The following PTPRK variants were observed in gnomAD, a reference collection of about 807,000 sequenced individuals.
The protein encoded by PTPRK is protein tyrosine phosphatase receptor type K, also known as receptor-type tyrosine-protein phosphatase kappa.
A neutral mutation model predicts 178.0 loss-of-function variants in PTPRK; 75 were observed. The observed-to-expected ratio is 0.42, with a 90% CI of 0.35 to 0.51. PTPRK has a LOEUF of 0.51. Ranked by LOEUF, PTPRK falls within the 20% of genes least tolerant of loss-of-function variation. The pLI is 0.02. For missense variants in PTPRK, 1,441 were observed against 1,797.8 expected, an observed-to-expected ratio of 0.80 and a Z score of 3.59; for synonymous variants, 637 against 620.6, an observed-to-expected ratio of 1.03 and a Z score of -0.39.
intron 3 of PTPRK, among the ~76,000 whole-genome samples, chr6:128,281,786 G>C (rs1259015808): frequency 6.6e-6 from 1 of 152,078 alleles, no homozygotes; most frequent in African/African-American, 2.4e-5. Flanking sequence ...ATAGAAGGCA[G>C]AGAGGTGCAA....
At chr6:128,130,365 C>T (rs1469695078) in intron 7 of PTPRK, among the ~76,000 whole-genome samples, 2 of 152,082 alleles carry the variant, frequency 1.3e-5, no homozygotes, top group African/African-American at 2.4e-5. Flanking sequence ...CTTTGTTGCC[C>T]GGGCATATAT....
intron 13 of PTPRK, among the ~76,000 whole-genome samples, chr6:128,016,982 T>C (rs1025779269): frequency 2.6e-5 from 4 of 152,048 alleles, no homozygotes; most frequent in Non-Finnish European, 5.9e-5. Flanking sequence ...ACTACTATAG[T>C]TCTGTAACAT....
chr6:128,189,400 C>T (rs557919502), intron 6 of PTPRK, among the ~76,000 whole-genome samples: 9 of 151,484 alleles, frequency 5.9e-5, no homozygotes, highest in African/African-American at 1.2e-4. Flanking sequence ...CCACCACACC[C>T]GGCTAATTTT....
chr6:128,104,212 T>G (rs1470475917), intron 7 of PTPRK, among the ~76,000 whole-genome samples: 2 of 152,220 alleles, frequency 1.3e-5, no homozygotes, highest in Admixed American at 6.5e-5. Flanking sequence ...TTTACTTAAC[T>G]TCATTACATT....
At position 128,302,662 on chromosome 6, in the gene PTPRK, C is replaced by T. The variant is rs114515207; in HGVS notation, c.495+19377G>A. 3.7e-3 allele frequency among the ~76,000 whole-genome samples: 562 copies of T among 151,080 alleles called. 2 individuals carry two copies. The highest frequency in any genetic ancestry group is 0.013 in the African/African-American group (529 of 41,458). On this transcript the variant is annotated intron_variant, in intron 3 of 29. Transcript: ENST00000368226. ...TCAATATTGTGGTTTGTACTTAACT[C>T]GTTATATGTTGCTTCTCTGGCCCCT...
intron 1 of PTPRK, among the ~76,000 whole-genome samples, chr6:128,512,309 C>T (rs1857310007): frequency 6.6e-6 from 1 of 152,148 alleles, no homozygotes; most frequent in Admixed American, 6.5e-5. Context: ...CTTTTATTTA[C>T]AGTATCAAAA....
At chr6:128,513,395 A>G (rs1857450858) in intron 1 of PTPRK, among the ~76,000 whole-genome samples, 1 of 151,850 alleles carries the variant, frequency 6.6e-6, no homozygotes, top group African/African-American at 2.4e-5. Context: ...AAGCAGGAGA[A>G]TCTCTTGAAC....
intron 3 of PTPRK, among the ~76,000 whole-genome samples, chr6:128,271,563 C>CA (rs1298873564): frequency 5.3e-5 from 8 of 151,864 alleles, no homozygotes; most frequent in East Asian, 1.9e-4. Flanking sequence ...ATTAAGTACT[C>CA]AAAAAAAAGA....
intron 7 of PTPRK, among the ~76,000 whole-genome samples, chr6:128,158,566 G>A (rs972397968): frequency 2.6e-5 from 4 of 151,808 alleles, no homozygotes; most frequent in African/African-American, 7.3e-5. Flanking sequence ...AAGTCTGAAC[G>A]TTTGGTTCAT....
intron 7 of PTPRK, among the ~76,000 whole-genome samples, chr6:128,148,913 C>T (rs1796873635): frequency 1.3e-5 from 2 of 151,960 alleles, no homozygotes; most frequent in South Asian, 4.1e-4. Flanking sequence ...ATTCTAGGAT[C>T]ATATTATGCC....
intron 1 of PTPRK, among the ~76,000 whole-genome samples, chr6:128,476,522 G>A (rs1436503623): frequency 6.6e-6 from 1 of 151,932 alleles, no homozygotes; most frequent in African/African-American, 2.4e-5. Context: ...TAAGCAGTAT[G>A]AATTATCAGC....
At chr6:128,005,266 G>C in intron 14 of PTPRK, 22 bp from the exon 15 acceptor site, 3 of 1,609,336 alleles carry the variant, frequency 1.9e-6, no homozygotes, top group Non-Finnish European at 2.5e-6. Context: ...AATACAAAAG[G>C]GCATCCTTAG....
intron 3 of PTPRK, among the ~76,000 whole-genome samples, chr6:128,308,381 T>C (rs1225051276): frequency 6.6e-6 from 1 of 151,886 alleles, no homozygotes; most frequent in Non-Finnish European, 1.5e-5. Flanking sequence ...TTATTATTTA[T>C]ATTTCCTGAT....
chr6:128,198,712 A>G (rs1393025813), intron 6 of PTPRK, among the ~76,000 whole-genome samples: 2 of 152,162 alleles, frequency 1.3e-5, no homozygotes, highest in African/African-American at 4.8e-5. Flanking sequence ...TTCAAATTTC[A>G]GTTCAGTTAT....
intron 7 of PTPRK, among the ~76,000 whole-genome samples, chr6:128,158,204 G>A (rs763612082): frequency 4.0e-5 from 6 of 151,684 alleles, no homozygotes; most frequent in Non-Finnish European, 8.8e-5. Flanking sequence ...GGTGGGAATC[G>A]AACAATGAGA....
chr6:128,103,565 A>G (rs2114281529), intron 7 of PTPRK, among the ~76,000 whole-genome samples: 1 of 152,190 alleles, frequency 6.6e-6, no homozygotes, highest in East Asian at 1.9e-4. Context: ...AAGGGGTTTC[A>G]GCTGAACAGG....
At position 128,321,885 on chromosome 6, in the gene PTPRK, T is replaced by C. The variant is rs1448776086; in HGVS notation, c.495+154A>G. The C allele has an allele frequency of 6.5e-6, 6 of 922,676 alleles. No homozygotes were observed. The African/African-American group carries it at 8.2e-5, about 13-fold the overall frequency. 57.2% of individuals were successfully genotyped at this position (922,676 alleles called of 1,614,324 possible). A position where few individuals can be genotyped will look rare whatever the true frequency, so the allele number is the denominator to read the frequency against. The stretch of plus-strand genomic sequence containing the variant: ...CTCTCATTACCATGGGATGCATATG[T>C]ATATCTATGTATGACACTTCCCCAA... On this transcript the variant is annotated intron_variant, in intron 3 of 29. Transcript: ENST00000368226.
intron 1 of PTPRK, among the ~76,000 whole-genome samples, chr6:128,406,748 C>T (rs1316541296): frequency 6.6e-6 from 1 of 152,156 alleles, no homozygotes; most frequent in Non-Finnish European, 1.5e-5. Context: ...GTGTCAACTT[C>T]TAACCAAATC....
At chr6:128,040,817 A>T (rs983180498) in intron 13 of PTPRK, among the ~76,000 whole-genome samples, 5 of 152,088 alleles carry the variant, frequency 3.3e-5, no homozygotes, top group Non-Finnish European at 7.4e-5. Flanking sequence ...ACATAAACCA[A>T]GCAGAAATGA....
Sources: allele counts gnomAD v4.1 joint callset (sites outside exome capture counted in the v4.1 genomes callset), GRCh38; gene constraint gnomAD v4.1.1; transcripts MANE v1.5; gene names NCBI Gene and HGNC (gene_info 2026-07-23, HGNC 2026-07-21).